The following DYM variants were observed in gnomAD, a reference collection of about 807,000 sequenced individuals.
DYM encodes the protein dyggve-Melchior-Clausen syndrome protein.
Under a neutral mutation model 93.1 loss-of-function variants are expected in DYM, and 78 were observed. That is an observed-to-expected ratio of 0.84 (90% CI 0.70 to 1.01). The LOEUF is 1.01. Among genes scored for constraint, DYM ranks in the 50% least tolerant of loss-of-function variants. The probability of loss-of-function intolerance (pLI) is 0.00; values close to 1 mark genes in which losing one functional copy is unlikely to be tolerated. For missense variants in DYM, 789 were observed against 845.0 expected (o/e 0.93, Z 0.82); for synonymous variants, 321 against 319.7 (o/e 1.00, Z -0.04).
At chr18:49,197,356 G>T (rs2091558736) in intron 14 of DYM, among the ~76,000 whole-genome samples, 3 of 151,880 alleles carry the variant, frequency 2.0e-5, no homozygotes, top group Non-Finnish European at 1.5e-5. Flanking sequence ...AAAAAAAATG[G>T]CAAAAGGGGG....
At chr18:49,206,392 TTAAG>T (rs1399998373) in intron 14 of DYM, 1 of 152,342 alleles carries the variant, frequency 6.6e-6, no homozygotes, top group Non-Finnish European at 1.5e-5. Context: ...TTTGATTTTG[TTAAG>T]TAAGTCCATG....
chr18:49,072,863 A>G (rs1180730791), intron 17 of DYM, among the ~76,000 whole-genome samples: 2 of 152,238 alleles, frequency 1.3e-5, no homozygotes, highest in Admixed American at 6.5e-5. Flanking sequence ...TTAAGAAAGG[A>G]CATTGCTATC....
At chr18:49,084,768 T>C (rs1319346912) in intron 17 of DYM, among the ~76,000 whole-genome samples, 1 of 152,178 alleles carries the variant, frequency 6.6e-6, no homozygotes, top group African/African-American at 2.4e-5. Context: ...ATCAACAAAA[T>C]GTTGACTGGA....
chr18:49,428,742 G>A (rs2074538706), intron 2 of DYM, among the ~76,000 whole-genome samples: 2 of 152,112 alleles, frequency 1.3e-5, no homozygotes, highest in Non-Finnish European at 2.9e-5. Context: ...GTCTGCTAAT[G>A]GGCATGGGAT....
intron 14 of DYM, among the ~76,000 whole-genome samples, chr18:49,179,200 G>A (rs905132603): frequency 6.6e-6 from 1 of 152,072 alleles, no homozygotes; most frequent in Non-Finnish European, 1.5e-5. Context: ...CTGCCTTCAT[G>A]TATGAGACTA....
chr18:49,286,760 G>C (rs2059693469), intron 8 of DYM, 144 bp from the exon 9 acceptor site: 2 of 789,252 alleles, frequency 2.5e-6, no homozygotes, highest in African/African-American at 3.4e-5. Flanking sequence ...CATTTCACAA[G>C]GCCAGAAAAT....
At chr18:49,064,236 T>G (rs577265366) in intron 17 of DYM, among the ~76,000 whole-genome samples, 1 of 152,342 alleles carries the variant, frequency 6.6e-6, no homozygotes, top group Non-Finnish European at 1.5e-5. Context: ...AAAGTAGCAT[T>G]TTTAGGCAGA....
At chr18:49,080,116 C>A (rs1389027250) in intron 17 of DYM, among the ~76,000 whole-genome samples, 1 of 62,140 alleles carries the variant, frequency 1.6e-5, no homozygotes, top group East Asian at 3.5e-4. Context: ...GGGGGGCTGA[C>A]CCCCCCACCT....
intron 11 of DYM, among the ~76,000 whole-genome samples, chr18:49,259,762 C>T (rs987644682): frequency 5.9e-5 from 9 of 151,938 alleles, no homozygotes; most frequent in South Asian, 2.1e-4. Flanking sequence ...GAAATCAAAA[C>T]GTAAAAGGTG....
chr18:49,294,810 C>T (rs954894184), intron 8 of DYM, among the ~76,000 whole-genome samples: 1 of 152,092 alleles, frequency 6.6e-6, no homozygotes, highest in Admixed American at 6.6e-5. Context: ...ATACTATGCA[C>T]TGTCAGCCAC....
At chr18:49,293,660 T>A (rs1391381039) in intron 8 of DYM, among the ~76,000 whole-genome samples, 23 of 152,136 alleles carry the variant, frequency 1.5e-4, no homozygotes. Context: ...CACTTTTTGA[T>A]GGGGTTGTTT....
intron 2 of DYM, among the ~76,000 whole-genome samples, chr18:49,403,635 T>G (rs564847975): frequency 3.3e-4 from 51 of 152,344 alleles, no homozygotes; most frequent in Non-Finnish European, 6.9e-4. Flanking sequence ...TGTGCAGGTT[T>G]GTTACATGGG....
intron 2 of DYM, among the ~76,000 whole-genome samples, chr18:49,423,780 T>A (rs1175625395): frequency 6.6e-6 from 1 of 152,066 alleles, no homozygotes; most frequent in Admixed American, 6.5e-5. Context: ...TCTATGCAAA[T>A]AAACTAGAAA....
chr18:49,116,329 T>G (rs2081921000), intron 16 of DYM: 1 of 152,258 alleles, frequency 6.6e-6, no homozygotes, highest in Non-Finnish European at 1.5e-5. Context: ...AAGGCCAATT[T>G]CTCATGTAAA....
At chr18:49,300,398 G>C (rs1328574006) in intron 8 of DYM, among the ~76,000 whole-genome samples, 1 of 151,932 alleles carries the variant, frequency 6.6e-6, no homozygotes, top group African/African-American at 2.4e-5. Context: ...TCAGGAGTTT[G>C]AGACCAGCCT....
rs1280457014 is a variant in DYM, at chr18:49,370,969, C to T, written c.421+7598G>A. Among the ~76,000 whole-genome samples, 2 of 152,102 alleles carry T rather than the reference C, an allele frequency of 1.3e-5. 1 individual carries two copies. The highest frequency in any genetic ancestry group is 1.3e-4 in the Admixed American group (2 of 15,268). On this transcript the variant is annotated intron_variant, in intron 5 of 17. Transcript: ENST00000675505. ...TACGAGCAAATAAATGGACTTGAAT[C>T]CAGAGTAAAACACTGAGAAGTAAGC...
At chr18:49,418,060 GAAAAAAAA>G in intron 2 of DYM, 1 of 107,720 alleles carries the variant, frequency 9.3e-6, no homozygotes, top group East Asian at 2.7e-4. Flanking sequence ...AACTCTGTCT[GAAAAAAAA>G]AAAAAAAAAA....
chr18:49,232,538 C>T (rs1354231306), intron 13 of DYM, among the ~76,000 whole-genome samples: 4 of 149,850 alleles, frequency 2.7e-5, no homozygotes, highest in African/African-American at 7.4e-5. Flanking sequence ...CTCCTGACCT[C>T]GTGATCTGCT....
At chr18:49,101,740 A>G (rs57727903) in intron 16 of DYM, among the ~76,000 whole-genome samples, 87 of 152,258 alleles carry the variant, frequency 5.7e-4, no homozygotes, top group African/African-American at 2.1e-3. Context: ...AAGTTACTGT[A>G]TTTTAATCAA....
Sources: gnomAD v4.1 joint callset for allele counts (sites outside exome capture counted in the v4.1 genomes callset) on GRCh38, gnomAD v4.1.1 for gene constraint, MANE v1.5 for transcripts, NCBI Gene and HGNC (gene_info 2026-07-23, HGNC 2026-07-21) for gene names.